Variants in IPO9 observed in about 807,000 individuals in gnomAD.
The protein encoded by IPO9 is importin 9.
IPO9 carries 28 observed loss-of-function variants against 128.6 expected under a neutral mutation model. The observed-to-expected ratio is 0.22, with a 90% CI of 0.16 to 0.30. The LOEUF (loss-of-function observed/expected upper bound fraction) is 0.30. IPO9 is among the 10% of genes least tolerant of loss of function. The probability of loss-of-function intolerance (pLI) is 1.00; values close to 1 mark genes in which losing one functional copy is unlikely to be tolerated. For synonymous variants in IPO9, 455 were observed against 475.8 expected (o/e 0.96, Z 0.57); for missense variants, 935 against 1,293.9 (o/e 0.72, Z 4.26).
rs575286720 is a variant in IPO9 at position 201,829,235 on chromosome 1, C to T, written c.26C>T (p.Ala9Val). 1.2e-5 allele frequency: 19 copies of T among 1,566,900 alleles called. No homozygotes were observed. In the African/African-American group the frequency reaches 2.1e-4, roughly 17 times the overall value. The change falls in exon 1 of 24, where the codon GCG becomes GTG. Residue 9 changes from alanine (A) to valine (V), a missense_variant. By Grantham distance (64) the Ala-to-Val change is moderately conservative (BLOSUM62 0). This residue lies in a region of IPO9 where 741 missense variants were observed against 1,019.1 expected (regional missense o/e 0.73). Transcript: ENST00000361565. MAAAAAAGAASGLPGPVAQ... is the reference protein window; with the variant it reads MAAAAAAGVASGLPGPVAQ... ...ATGGCGGCGGCGGCGGCAGCTGGTG[C>T]GGCCTCCGGGCTGCCGGGTCCAGTG...
At chr1:201,858,373 A>T in intron 11 of IPO9, 74 bp from the exon 12 acceptor site, 2 of 751,028 alleles carry the variant, frequency 2.7e-6, no homozygotes, top group South Asian at 5.0e-5. Flanking sequence ...TCTAACAGTC[A>T]TGACTGAAGC....
At chr1:201,874,759 TG>T in intron 21 of IPO9, 72 bp from the exon 22 acceptor site, 1 of 1,030,388 alleles carries the variant, frequency 9.7e-7, no homozygotes, top group Non-Finnish European at 1.5e-6. Context: ...CCTTCTATTC[TG>T]GCCTATTTGG....
chr1:201,839,593 A>C (rs906559371), intron 1 of IPO9, among the ~76,000 whole-genome samples: 4 of 150,532 alleles, frequency 2.7e-5, no homozygotes, highest in East Asian at 3.9e-4. Flanking sequence ...AAGTGCTGCT[A>C]TGACTGTGTA....
At chr1:201,830,319 A>T (rs901040958) in intron 1 of IPO9, among the ~76,000 whole-genome samples, 3 of 152,234 alleles carry the variant, frequency 2.0e-5, no homozygotes, top group African/African-American at 7.2e-5. Context: ...AGATATGGGA[A>T]ATTGTCCCAT....
intron 5 of IPO9, 89 bp downstream of exon 5, chr1:201,852,281 G>T: frequency 1.4e-6 from 1 of 736,862 alleles, no homozygotes; most frequent in South Asian, 1.7e-5. Flanking sequence ...GTTTGCAACT[G>T]ATCTCAATAC....
At chr1:201,831,687 T>G (rs1679835294) in intron 1 of IPO9, among the ~76,000 whole-genome samples, 1 of 152,140 alleles carries the variant, frequency 6.6e-6, no homozygotes, top group Non-Finnish European at 1.5e-5. Flanking sequence ...AGTAGCTGCT[T>G]CTTTACCAGC....
At chr1:201,833,582 C>G (rs1679876414) in intron 1 of IPO9, among the ~76,000 whole-genome samples, 1 of 152,058 alleles carries the variant, frequency 6.6e-6, no homozygotes, top group South Asian at 2.1e-4. Flanking sequence ...TTTTGCTAGT[C>G]ACTTGGAATC....
rs1679775990 is a variant in IPO9 at position 201,829,191 on chromosome 1, CG to C, written c.-16del. On this transcript the variant is annotated 5_prime_UTR_variant, in exon 1 of 24. Coordinates refer to ENST00000361565, the MANE Select transcript of IPO9 (RefSeq NM_018085.5). The stretch of plus-strand genomic sequence containing the variant: ...TGGCGGGTCCCGGCCGCGGGGCTGG[CG>C]GGCTGAGGGGAGAAAAGATGGCGGC... 1.3e-6 allele frequency: 2 copies of C among 1,492,826 alleles called. No individual in the cohort carries two copies. Among genetic ancestry groups the C allele is most frequent in the East Asian group, 5.7e-5 (2 of 34,922 alleles). The allele number at this position is 1,492,826 out of a possible 1,614,324, so 92.5% of individuals were successfully genotyped here. A position where few individuals can be genotyped will look rare whatever the true frequency, so the allele number is the denominator to read the frequency against.
Position 201,854,642 on chromosome 1 carries a change from G to A in IPO9, c.738G>A (p.Glu246=), listed in dbSNP as rs758053446. 5.0e-6 allele frequency: 8 copies of A among 1,614,156 alleles called. No homozygotes were observed. Among genetic ancestry groups the A allele is most frequent in the Non-Finnish European group, 5.9e-6 (7 of 1,180,036 alleles). ...TTCCCGTGGTACAGCAGTTCACAGA[G>A]GCCTTTGTTCAGGCCCTCCAGATAC... ...LIFPVVQQFT[E]AFVQALQIPD... Residue 246 remains glutamate (E), a synonymous_variant, in exon 7 of 24, where the codon GAG becomes GAA. Transcript: ENST00000361565.
chr1:201,855,681 A>T, intron 9 of IPO9, 102 bp from the exon 10 acceptor site: 1 of 1,050,474 alleles, frequency 9.5e-7, no homozygotes, highest in Non-Finnish European at 1.4e-6. Flanking sequence ...CAAGTACTTT[A>T]AATATTCAGT....
At chr1:201,874,419 A>C in intron 21 of IPO9, 47 bp downstream of exon 21, 1 of 1,562,934 alleles carries the variant, frequency 6.4e-7, no homozygotes, top group South Asian at 1.2e-5. Context: ...TGGCAGATCA[A>C]GTTACAAATT....
chr1:201,870,352 A>G lies in IPO9; in HGVS notation c.2134-231A>G, dbSNP rs1304068636. Among the ~76,000 whole-genome samples the G allele has an allele frequency of 6.6e-6, 1 of 152,246 alleles. No individual in the cohort carries two copies. The highest frequency in any genetic ancestry group is 1.5e-5 in the Non-Finnish European group (1 of 68,040). ...TTGTCCCTTGTGATTAAAAAAATAT[A>G]TATACACATTTGTGAGATAGCTGAT... On this transcript the variant is annotated intron_variant, in intron 17 of 23. Coordinates refer to ENST00000361565, the MANE Select transcript of IPO9 (RefSeq NM_018085.5). The surrounding 1 kb of genome is among the most constrained non-coding windows in gnomAD (Gnocchi z 4.9).
chr1:201,869,821 A>G (rs1680616033), intron 17 of IPO9, 103 bp downstream of exon 17: 4 of 1,349,758 alleles, frequency 3.0e-6, no homozygotes, highest in Non-Finnish European at 4.0e-6. Context: ...GAAATACGGA[A>G]TTCTCAACTC....
At chr1:201,859,751 G>C (rs1434101716) in intron 13 of IPO9, among the ~76,000 whole-genome samples, 1 of 152,140 alleles carries the variant, frequency 6.6e-6, no homozygotes, top group African/African-American at 2.4e-5. Context: ...CCTGAGGTCA[G>C]GAGTTCAAGA....
At chr1:201,838,696 G>A (rs1679983879) in intron 1 of IPO9, among the ~76,000 whole-genome samples, 1 of 152,060 alleles carries the variant, frequency 6.6e-6, no homozygotes, top group African/African-American at 2.4e-5. Context: ...AACAATAGGT[G>A]CCATAGGAGT....
Position 201,870,434 on chromosome 1 carries a change from A to G in IPO9, c.2134-149A>G. ...TATGTCTGTAACAGTAAATGTCTTA[A>G]CTCCAGTGGTATGAGCCCACCACAA... On this transcript the variant is annotated intron_variant, in intron 17 of 23. Coordinates refer to ENST00000361565, the MANE Select transcript of IPO9 (RefSeq NM_018085.5). The surrounding 1 kb of genome is among the most constrained non-coding windows in gnomAD (Gnocchi z 4.9). 1 of 778,778 alleles carries G rather than the reference A, an allele frequency of 1.3e-6. No homozygotes were observed. The highest frequency in any genetic ancestry group is 2.7e-5 in the East Asian group (1 of 36,934). 48.2% of individuals were successfully genotyped at this position (778,778 alleles called of 1,614,324 possible). A position where few individuals can be genotyped will look rare whatever the true frequency, so the allele number is the denominator to read the frequency against.
intron 4 of IPO9, 130 bp downstream of exon 4, chr1:201,848,724 T>A: frequency 1.2e-6 from 1 of 857,256 alleles, no homozygotes; most frequent in East Asian, 2.6e-5. Context: ...CTCCTAGTTT[T>A]TATCTCTCCA....
At chr1:201,853,840 G>A (rs1680269581) in intron 6 of IPO9, among the ~76,000 whole-genome samples, 1 of 152,256 alleles carries the variant, frequency 6.6e-6, no homozygotes, top group South Asian at 2.1e-4. Flanking sequence ...CCAGGTTCAA[G>A]TGATTCTTCT....
chr1:201,842,954 G>T (rs147148345), intron 1 of IPO9, among the ~76,000 whole-genome samples: 21 of 152,248 alleles, frequency 1.4e-4, no homozygotes, highest in Non-Finnish European at 2.8e-4. Context: ...ATGTGATATT[G>T]GAATCCTCTC....
Sources: allele counts gnomAD v4.1 joint callset (sites outside exome capture counted in the v4.1 genomes callset), GRCh38; gene constraint gnomAD v4.1.1; regional missense constraint gnomAD v4.1.1; non-coding constraint Gnocchi (gnomAD v3.1); transcripts MANE v1.5; gene names NCBI Gene and HGNC (gene_info 2026-07-23, HGNC 2026-07-21).